Variants in KIF21A observed in about 807,000 individuals in gnomAD.
KIF21A encodes kinesin-like protein KIF21A.
KIF21A carries 114 observed loss-of-function variants against 202.9 expected under a neutral mutation model. That is an observed-to-expected ratio of 0.56 (90% CI 0.48 to 0.66). KIF21A has a LOEUF of 0.66. Among genes scored for constraint, KIF21A ranks in the 30% least tolerant of loss-of-function variants. KIF21A has a pLI of 0.00. For missense variants in KIF21A, 1,677 were observed against 1,994.9 expected, an observed-to-expected ratio of 0.84 and a Z score of 3.04; for synonymous variants, 667 against 670.8, an observed-to-expected ratio of 0.99 and a Z score of 0.09.
intron 1 of KIF21A, among the ~76,000 whole-genome samples, chr12:39,430,566 CAA>C (rs1240837715): frequency 3.3e-5 from 4 of 123,034 alleles, no homozygotes; most frequent in Admixed American, 8.3e-5. Context: ...GACTTCGTCT[CAA>C]AAAAAAAAAA....
intron 1 of KIF21A, among the ~76,000 whole-genome samples, chr12:39,401,768 T>G (rs778668057): frequency 6.6e-6 from 1 of 152,200 alleles, no homozygotes; most frequent in Non-Finnish European, 1.5e-5. Context: ...AAAAGTATTT[T>G]GCTAGACATT....
chr12:39,317,854 A>G (rs1944736474), intron 29 of KIF21A, among the ~76,000 whole-genome samples: 1 of 152,190 alleles, frequency 6.6e-6, no homozygotes, highest in Non-Finnish European at 1.5e-5. Context: ...GCATACCAAT[A>G]CAAATCTACA....
chr12:39,421,635 G>C (rs540704968), intron 1 of KIF21A, among the ~76,000 whole-genome samples: 1 of 151,280 alleles, frequency 6.6e-6, no homozygotes, highest in South Asian at 2.1e-4. Flanking sequence ...GGAGGTTGCA[G>C]TAGGCCAGGG....
At chr12:39,435,160 G>C (rs1938508157) in intron 1 of KIF21A, among the ~76,000 whole-genome samples, 1 of 152,036 alleles carries the variant, frequency 6.6e-6, no homozygotes, top group Admixed American at 6.6e-5. Flanking sequence ...CATTTTTCTT[G>C]GTTCTTTCCT....
Position 39,413,966 on chromosome 12 carries a change from T to C in KIF21A, c.44+28961A>G, listed in dbSNP as rs191464047. Among the ~76,000 whole-genome samples the C allele has an allele frequency of 2.7e-3, 412 of 152,106 alleles. 1 individual carries two copies. The highest frequency in any genetic ancestry group is 0.017 in the South Asian group (83 of 4,820). ...GTCCTGACAGATAAGATCAACAAAA[T>C]ACCATTTTAAAAAATTTACTTGTTG... On this transcript the variant is annotated intron_variant, in intron 1 of 37. Transcript: ENST00000361418.
At chr12:39,396,130 C>A (rs1477762159) in intron 1 of KIF21A, among the ~76,000 whole-genome samples, 1 of 152,128 alleles carries the variant, frequency 6.6e-6, no homozygotes, top group South Asian at 2.1e-4. Context: ...CCTAAGATAG[C>A]CATCAGAACA....
intron 27 of KIF21A, 57 bp from the exon 28 acceptor site, chr12:39,320,070 G>T: frequency 1.0e-6 from 1 of 956,978 alleles, no homozygotes; most frequent in East Asian, 2.6e-5. Context: ...ATACAACTTT[G>T]GTAGATAGTC....
intron 14 of KIF21A, 145 bp from the exon 15 acceptor site, chr12:39,341,239 C>T: frequency 1.3e-6 from 1 of 761,948 alleles, no homozygotes; most frequent in South Asian, 1.7e-5. Flanking sequence ...AAACCAACAA[C>T]CAAAAGGTGA....
At chr12:39,436,422 TTA>T (rs1199818833) in intron 1 of KIF21A, among the ~76,000 whole-genome samples, 1,124 of 99,066 alleles carry the variant, frequency 0.011, 31 homozygotes, top group African/African-American at 0.026. Flanking sequence ...GTTTACTATA[TTA>T]TATATATATA....
intron 16 of KIF21A, 125 bp from the exon 17 acceptor site, chr12:39,337,328 G>A: frequency 1.4e-6 from 1 of 702,494 alleles, no homozygotes; most frequent in East Asian, 2.7e-5. Context: ...CAGTTTTGCT[G>A]CACGTTTAAA....
At chr12:39,409,592 A>G (rs562238456) in intron 1 of KIF21A, among the ~76,000 whole-genome samples, 10 of 151,870 alleles carry the variant, frequency 6.6e-5, no homozygotes, top group African/African-American at 1.9e-4. Flanking sequence ...TAATGATAAC[A>G]GAATTGTGAT....
At chr12:39,408,342 C>A (rs1170541291) in intron 1 of KIF21A, among the ~76,000 whole-genome samples, 1 of 152,088 alleles carries the variant, frequency 6.6e-6, no homozygotes, top group African/African-American at 2.4e-5. Context: ...AATGCCACCA[C>A]TGATCTGACA....
chr12:39,385,058 C>T (rs1005085617), intron 1 of KIF21A, among the ~76,000 whole-genome samples: 6 of 152,118 alleles, frequency 3.9e-5, no homozygotes, highest in African/African-American at 1.2e-4. Context: ...ATCACCTTTG[C>T]TGTTTTCTAT....
rs1162699480 is a variant in KIF21A at position 39,322,662 on chromosome 12, A to G, written c.3671+6T>C. 6.2e-7 allele frequency: 1 copy of G among 1,613,308 alleles called. No homozygotes were observed. The highest frequency in any genetic ancestry group is 8.5e-7 in the Non-Finnish European group (1 of 1,179,298). On this transcript the variant is annotated splice_donor_region_variant and intron_variant, in intron 27 of 37. Transcript: ENST00000361418. ...AAAGAAGTTAGTGTAGCTGGGCCAAACTTACATGCTGCCTATCTTAGAAGG... is the reference window on the plus strand; with the variant it reads ...AAAGAAGTTAGTGTAGCTGGGCCAAGCTTACATGCTGCCTATCTTAGAAGG...
At chr12:39,390,439 T>G (rs1183564097) in intron 1 of KIF21A, among the ~76,000 whole-genome samples, 1 of 152,194 alleles carries the variant, frequency 6.6e-6, no homozygotes, top group Non-Finnish European at 1.5e-5. Context: ...GATTACTGGA[T>G]GTTAGATTTT....
intron 16 of KIF21A, among the ~76,000 whole-genome samples, chr12:39,339,464 A>G (rs193199148): frequency 6.6e-6 from 1 of 152,286 alleles, no homozygotes; most frequent in Admixed American, 6.5e-5. Context: ...TTGTATAAGT[A>G]CACTCCATGA....
At chr12:39,406,761 A>G (rs1344284873) in intron 1 of KIF21A, among the ~76,000 whole-genome samples, 1 of 152,112 alleles carries the variant, frequency 6.6e-6, no homozygotes, top group Non-Finnish European at 1.5e-5. Context: ...TACTGCCACA[A>G]TCTCCACTTT....
At chr12:39,346,352 G>T in intron 12 of KIF21A, 114 bp downstream of exon 12, 1 of 560,056 alleles carries the variant, frequency 1.8e-6, no homozygotes, top group Non-Finnish European at 2.7e-6. Context: ...ACTTTTAGGA[G>T]CAGCCCAGCT....
chr12:39,297,922 A>C (rs551337928), intron 37 of KIF21A, among the ~76,000 whole-genome samples: 1 of 144,592 alleles, frequency 6.9e-6, no homozygotes, highest in Non-Finnish European at 1.5e-5. Context: ...TTTTGGTATT[A>C]TCAAAAAAAA....
Sources: gnomAD v4.1 joint callset for allele counts (sites outside exome capture counted in the v4.1 genomes callset) on GRCh38, gnomAD v4.1.1 for gene constraint, MANE v1.5 for transcripts, NCBI Gene and HGNC (gene_info 2026-07-23, HGNC 2026-07-21) for gene names.